The following TMEM266 variants were observed in gnomAD, a reference collection of about 807,000 sequenced individuals.
TMEM266 encodes Hv1 related protein 1.
TMEM266 carries 33 observed loss-of-function variants against 50.5 expected under a neutral mutation model. That is an observed-to-expected ratio of 0.65 (90% CI 0.50 to 0.87). The LOEUF is 0.87. TMEM266 is among the 40% of genes least tolerant of loss of function. The pLI is 0.00. For missense variants in TMEM266, 655 were observed against 695.1 expected (o/e 0.94, Z 0.65); for synonymous variants, 310 against 292.3 (o/e 1.06, Z -0.62).
chr15:76,143,293 C>T (rs78045630), intron 3 of TMEM266, among the ~76,000 whole-genome samples: 1 of 152,048 alleles, frequency 6.6e-6, no homozygotes. Context: ...TTGAAAGCCT[C>T]GTGACGTTTG....
At chr15:76,183,686 C>A (rs1303563029) in intron 8 of TMEM266, among the ~76,000 whole-genome samples, 3 of 152,198 alleles carry the variant, frequency 2.0e-5, no homozygotes, top group Admixed American at 6.5e-5. Context: ...CATTCCCTAC[C>A]CTTTCCCCGG....
intron 3 of TMEM266, among the ~76,000 whole-genome samples, chr15:76,141,316 A>G (rs1596130367): frequency 6.6e-6 from 1 of 151,008 alleles, no homozygotes; most frequent in African/African-American, 2.4e-5. Context: ...GCTCACTGCA[A>G]CCTCCGTCTC....
At chr15:76,115,388 G>C (rs972411448) in intron 1 of TMEM266, among the ~76,000 whole-genome samples, 7 of 152,196 alleles carry the variant, frequency 4.6e-5, no homozygotes, top group African/African-American at 1.7e-4. Flanking sequence ...TTCATTTTCA[G>C]ATGTTAAAAC....
At chr15:76,090,907 G>C (rs1426761548) in intron 1 of TMEM266, among the ~76,000 whole-genome samples, 1 of 152,138 alleles carries the variant, frequency 6.6e-6, no homozygotes, top group Admixed American at 6.5e-5. Flanking sequence ...AAAGCTATAA[G>C]ACAGTATTTT....
At chr15:76,105,959 T>C (rs1381145966) in intron 1 of TMEM266, among the ~76,000 whole-genome samples, 1 of 152,222 alleles carries the variant, frequency 6.6e-6, no homozygotes, top group East Asian at 1.9e-4. Flanking sequence ...TGAGCCTGGA[T>C]ACCCAGGAAA....
rs1567188824 is a variant in TMEM266, at chr15:76,204,082, CAGA to C, written c.1366_1368del (p.Lys456del). The stretch of plus-strand genomic sequence containing the variant: ...CCTGTCGGAGGACCCCTGCCCTTCC[CAGA>C]AGGCCTTGGACCCAGCCCCCCTCGC... On this transcript the variant is annotated inframe_deletion, in exon 11 of 11. Coordinates refer to ENST00000388942, the MANE Select transcript of TMEM266 (RefSeq NM_152335.3). 3.1e-6 allele frequency: 5 copies of C among 1,612,726 alleles called. No homozygotes were observed. Among genetic ancestry groups the C allele is most frequent in the Non-Finnish European group, 4.2e-6 (5 of 1,179,518 alleles).
chr15:76,076,945 T>G (rs2036615449), intron 1 of TMEM266, among the ~76,000 whole-genome samples: 1 of 151,850 alleles, frequency 6.6e-6, no homozygotes, highest in Non-Finnish European at 1.5e-5. Context: ...ATAACCGTTT[T>G]TTTGTTTGTT....
At chr15:76,103,460 ACTCT>A (rs2037034940) in intron 1 of TMEM266, among the ~76,000 whole-genome samples, 1 of 151,780 alleles carries the variant, frequency 6.6e-6, no homozygotes, top group African/African-American at 2.4e-5. Flanking sequence ...TGATCACACC[ACTCT>A]CTCTAAGGTT....
At chr15:76,165,269 C>G (rs371418071) in intron 5 of TMEM266, among the ~76,000 whole-genome samples, 1 of 152,214 alleles carries the variant, frequency 6.6e-6, no homozygotes, top group Admixed American at 6.5e-5. Flanking sequence ...AGGGCTTGAC[C>G]AGGAGCAGAA....
At chr15:76,203,360 T>C (rs1305630001) in intron 10 of TMEM266, among the ~76,000 whole-genome samples, 2 of 152,190 alleles carry the variant, frequency 1.3e-5, no homozygotes, top group Admixed American at 1.3e-4. Flanking sequence ...CTGGGGGCTC[T>C]GCTCCTGGGT....
intron 4 of TMEM266, among the ~76,000 whole-genome samples, chr15:76,159,862 C>T (rs919075038): frequency 1.3e-5 from 2 of 151,964 alleles, no homozygotes; most frequent in Non-Finnish European, 1.5e-5. Flanking sequence ...AGGAGGCAGT[C>T]CCTTGCGTCG....
intron 1 of TMEM266, among the ~76,000 whole-genome samples, chr15:76,127,288 C>T (rs1036714287): frequency 2.0e-5 from 3 of 151,098 alleles, no homozygotes; most frequent in African/African-American, 7.3e-5. Context: ...GCTTGGGTGC[C>T]ACTTCTCCAG....
At position 76,156,731 on chromosome 15, in the gene TMEM266, C is replaced by T. The variant is rs2142047455; in HGVS notation, c.355C>T (p.Leu119Phe). 1 of 1,614,134 alleles carries T rather than the reference C, an allele frequency of 6.2e-7. No individual in the cohort carries two copies. Among genetic ancestry groups the T allele is most frequent in the Non-Finnish European group, 8.5e-7 (1 of 1,179,950 alleles). The change falls in exon 4 of 11, where the codon CTT (leucine) becomes TTT (phenylalanine). Residue 119 changes from leucine to phenylalanine, a missense_variant. Around this residue, in one of 3 missense-constraint regions of TMEM266, gnomAD observed 101 missense variants for 182.6 expected, o/e 0.55. Coordinates refer to ENST00000388942, the MANE Select transcript of TMEM266 (RefSeq NM_152335.3). ...GGTGGTGATTCTCCTGACTCTGGAA[C>T]TTCTAATAGATATAAAGCTTCTCCA...
intron 5 of TMEM266, among the ~76,000 whole-genome samples, chr15:76,169,157 C>G (rs1336136627): frequency 6.6e-6 from 1 of 152,074 alleles, no homozygotes. Context: ...GAAGAGGAGC[C>G]TAATTCATTT....
chr15:76,133,440 A>T (rs945439932), intron 1 of TMEM266, among the ~76,000 whole-genome samples: 4 of 152,296 alleles, frequency 2.6e-5, no homozygotes, highest in South Asian at 2.1e-4. Context: ...CCATCTAAAA[A>T]AAATAAATAA....
chr15:76,082,050 C>T (rs559132708), intron 1 of TMEM266, among the ~76,000 whole-genome samples: 48 of 152,302 alleles, frequency 3.2e-4, no homozygotes, highest in African/African-American at 1.2e-3. Context: ...TATTTCCATG[C>T]TTCATCTCTT....
chr15:76,134,980 A>G (rs1265521158), intron 2 of TMEM266, among the ~76,000 whole-genome samples: 4 of 152,210 alleles, frequency 2.6e-5, no homozygotes, highest in Non-Finnish European at 5.9e-5. Context: ...CACGTCTCTC[A>G]TCCTCCAGTA....
chr15:76,187,050 C>A (rs1413652413), intron 8 of TMEM266, among the ~76,000 whole-genome samples: 3 of 152,202 alleles, frequency 2.0e-5, no homozygotes, highest in African/African-American at 7.2e-5. Flanking sequence ...TTGGGGCTAT[C>A]CAGGTTTTAC....
At chr15:76,191,814 G>A in intron 8 of TMEM266, 154 bp from the exon 9 acceptor site, 4 of 691,310 alleles carry the variant, frequency 5.8e-6, no homozygotes. Context: ...GAACCGCGAT[G>A]CTGGGAGATT....
Sources: gnomAD v4.1 joint callset for allele counts (sites outside exome capture counted in the v4.1 genomes callset) on GRCh38, gnomAD v4.1.1 for gene constraint, gnomAD v4.1.1 regional missense constraint, MANE v1.5 for transcripts, NCBI Gene and HGNC (gene_info 2026-07-23, HGNC 2026-07-21) for gene names.